ASB18: variants seen among roughly 807,000 people sequenced by gnomAD.
ASB18 encodes ankyrin repeat and SOCS box containing 18, also known as ankyrin repeat and SOCS box protein 18.
A neutral mutation model predicts 33.4 loss-of-function variants in ASB18; 33 were observed. The ratio of observed to expected loss-of-function variants is 0.99; its 90% CI spans 0.75 to 1.32. The LOEUF is 1.32. Among genes scored for constraint, ASB18 ranks in the 40% most tolerant of loss-of-function variants. The pLI is 0.00. For synonymous variants in ASB18, 295 were observed against 307.6 expected (o/e 0.96, Z 0.43); for missense variants, 694 against 655.5 (o/e 1.06, Z -0.64).
chr2:236,247,822 A>C (rs2060651616), intron 1 of ASB18: 1 of 152,230 alleles, frequency 6.6e-6, no homozygotes, highest in African/African-American at 2.4e-5. Flanking sequence ...CCAGAAGACT[A>C]GAGGTTTAGT....
Position 236,250,735 on chromosome 2 carries a change from C to T in ASB18, c.206-9333G>A, listed in dbSNP as rs1050670057. 5 of 152,140 alleles carry T rather than the reference C, an allele frequency of 3.3e-5. No homozygotes were observed. Among genetic ancestry groups the T allele is most frequent in the Non-Finnish European group, 5.9e-5 (4 of 68,030 alleles). 9.4% of individuals were successfully genotyped at this position (152,140 alleles called of 1,614,324 possible). ...AAGCCACCTTTCCTTCACCCCACTT[C>T]CTGCAGAATTAAAAAAATATATTTT... On this transcript the variant is annotated intron_variant, in intron 1 of 5. Transcript: ENST00000409749. This position sits in a 1 kb window ranked among gnomAD's most constrained non-coding sequence, Gnocchi z 4.1.
rs575055635 is a variant in ASB18 at position 236,239,537 on chromosome 2, G to A, written c.329-1581C>T. Among the ~76,000 whole-genome samples the A allele has an allele frequency of 1.3e-5, 2 of 150,370 alleles. No individual in the cohort carries two copies. The highest frequency in any genetic ancestry group is 1.3e-4 in the Admixed American group (2 of 15,096). On this transcript the variant is annotated intron_variant, in intron 2 of 5. Transcript: ENST00000409749. This position sits in a 1 kb window ranked among gnomAD's most constrained non-coding sequence, Gnocchi z 5.6. The stretch of plus-strand genomic sequence containing the variant: ...CCGGAATCAGCTTTCTGTAACTCCC[G>A]CCCTCTGGTCCCAGTTCTGCCACCA...
In ASB18 at chr2:236,211,395, C is replaced by T. The variant is rs182987293; in HGVS notation, c.1101+2967G>A. ...CTCACTGCAGAGCACTGCGCCGGCT[C>T]GGAAGGATGCCCTGTGTCCGCCTGC... On this transcript the variant is annotated intron_variant, in intron 4 of 5. Coordinates refer to ENST00000409749, the MANE Select transcript of ASB18 (RefSeq NM_212556.4). This position sits in a 1 kb window ranked among gnomAD's most constrained non-coding sequence, Gnocchi z 5.0. Among the ~76,000 whole-genome samples the T allele has an allele frequency of 1.4e-4, 21 of 152,374 alleles. 1 individual carries two copies. In the East Asian group the frequency reaches 2.3e-3, roughly 17 times the overall value.
chr2:236,204,977 CA>C lies in ASB18; in HGVS notation c.1102-8593del, dbSNP rs1177099461. On this transcript the variant is annotated intron_variant, in intron 4 of 5. Coordinates refer to ENST00000409749, the MANE Select transcript of ASB18 (RefSeq NM_212556.4). The surrounding 1 kb of genome is among the most constrained non-coding windows in gnomAD (Gnocchi z 5.1). ...TAAAAAATCCTGTTGGCTCTACCTC[CA>C]AAATATATCCAGGGTCAGATCGCCT... 5.9e-5 allele frequency among the ~76,000 whole-genome samples: 9 copies of C among 152,204 alleles called. No individual in the cohort carries two copies. The highest frequency in any genetic ancestry group is 2.6e-4 in the Admixed American group (4 of 15,282).
rs186319780 is a variant in ASB18, at chr2:236,249,954, C to T, written c.206-8552G>A. 2 of 152,290 alleles carry T rather than the reference C, an allele frequency of 1.3e-5. No individual in the cohort carries two copies. The highest frequency in any genetic ancestry group is 1.9e-4 in the East Asian group (1 of 5,184). The allele number at this position is 152,290 out of a possible 1,614,324, so 9.4% of individuals were successfully genotyped here. A position where few individuals can be genotyped will look rare whatever the true frequency, so the allele number is the denominator to read the frequency against. The stretch of plus-strand genomic sequence containing the variant: ...ATGTTTTGTCTGCAGGAGACACAAA[C>T]ATGAGTTCTTTATAATTGAGTCCTA... On this transcript the variant is annotated intron_variant, in intron 1 of 5. Coordinates refer to ENST00000409749, the MANE Select transcript of ASB18 (RefSeq NM_212556.4). The surrounding 1 kb of genome is among the most constrained non-coding windows in gnomAD (Gnocchi z 4.6).
At chr2:236,242,278 T>C (rs1576408685) in intron 1 of ASB18, among the ~76,000 whole-genome samples, 1 of 152,158 alleles carries the variant, frequency 6.6e-6, no homozygotes, top group Non-Finnish European at 1.5e-5. Flanking sequence ...TACTCAGAAC[T>C]GGGCCAGCAC....
Position 236,264,339 on chromosome 2 carries a change from T to G in ASB18, c.7A>C (p.Asn3His). The G allele has an allele frequency of 1.9e-6, 3 of 1,614,012 alleles. No homozygotes were observed. Among genetic ancestry groups the G allele is most frequent in the Non-Finnish European group, 2.5e-6 (3 of 1,179,864 alleles). Residue 3 changes from asparagine (N) to histidine (H), a missense_variant, in exon 1 of 6, where the codon AAC becomes CAC. By Grantham distance (68) the Asn-to-His change is moderately conservative. Transcript: ENST00000409749. This position sits in a 1 kb window ranked among gnomAD's most constrained non-coding sequence, Gnocchi z 5.1. MS[N>H]SDYLPDYPLN... Reference sequence around the variant, plus strand: ...GGGTAGTCGGGAAGGTAATCCGAGTTGGACATTGTTACGTCGTTTCTGCAG... The same window carrying G: ...GGGTAGTCGGGAAGGTAATCCGAGTGGGACATTGTTACGTCGTTTCTGCAG...
rs2060421277 is a variant in ASB18, at chr2:236,204,104, C to T, written c.1102-7719G>A. 6.6e-6 allele frequency among the ~76,000 whole-genome samples: 1 copy of T among 152,022 alleles called. No homozygotes were observed. Among genetic ancestry groups the T allele is most frequent in the Non-Finnish European group, 1.5e-5 (1 of 68,014 alleles). On this transcript the variant is annotated intron_variant, in intron 4 of 5. Coordinates refer to ENST00000409749, the MANE Select transcript of ASB18 (RefSeq NM_212556.4). The surrounding 1 kb of genome is among the most constrained non-coding windows in gnomAD (Gnocchi z 5.1). ...GGGAGAATCTGGGGATGGATTTCCC[C>T]CTTCCTGAGCTCTTCGTTAGTGTTA...
intron 1 of ASB18, among the ~76,000 whole-genome samples, chr2:236,242,718 G>A (rs1244107942): frequency 1.3e-5 from 2 of 151,126 alleles, no homozygotes; most frequent in Admixed American, 6.6e-5. Flanking sequence ...CGCCCACCTC[G>A]GTCTCCCAAA....
At position 236,249,397 on chromosome 2, in the gene ASB18, G is replaced by A. The variant is rs1206444970; in HGVS notation, c.206-7995C>T. The A allele has an allele frequency of 3.3e-5, 5 of 152,052 alleles. No individual in the cohort carries two copies. Among genetic ancestry groups the A allele is most frequent in the Non-Finnish European group, 7.4e-5 (5 of 68,018 alleles). The allele number at this position is 152,052 out of a possible 1,614,324, so 9.4% of individuals were successfully genotyped here. A position where few individuals can be genotyped will look rare whatever the true frequency, so the allele number is the denominator to read the frequency against. Reference sequence around the variant, plus strand: ...GGCAATCACACTGAGGATGTGAAGGGGTCTGTCACAGTTTGCACAGCCTTA... The same window carrying A: ...GGCAATCACACTGAGGATGTGAAGGAGTCTGTCACAGTTTGCACAGCCTTA... On this transcript the variant is annotated intron_variant, in intron 1 of 5. Transcript: ENST00000409749. The surrounding 1 kb of genome is among the most constrained non-coding windows in gnomAD (Gnocchi z 4.6).
rs1478588156 is a variant in ASB18, at chr2:236,204,903, CAG to C, written c.1102-8520_1102-8519del. On this transcript the variant is annotated intron_variant, in intron 4 of 5. Coordinates refer to ENST00000409749, the MANE Select transcript of ASB18 (RefSeq NM_212556.4). This position sits in a 1 kb window ranked among gnomAD's most constrained non-coding sequence, Gnocchi z 5.1. ...TTCTTGCAGTCTCTTGGGCTAGAAT[CAG>C]AGTCGTCCATTGCTCCTGTTTCTCC... Among the ~76,000 whole-genome samples the C allele has an allele frequency of 2.0e-5, 3 of 152,322 alleles. No individual in the cohort carries two copies. In the East Asian group the frequency reaches 5.8e-4, roughly 29 times the overall value.
At position 236,209,766 on chromosome 2, in the gene ASB18, A is replaced by C. The variant is rs2106266761; in HGVS notation, c.1101+4596T>G. Among the ~76,000 whole-genome samples, 1 of 152,332 alleles carries C rather than the reference A, an allele frequency of 6.6e-6. No homozygotes were observed. The highest frequency in any genetic ancestry group is 2.4e-5 in the African/African-American group (1 of 41,590). ...ATGTAATCAACTCCCAATATTCCAA[A>C]GTCAGAGGCCCAGGCCCTTAAGGCC... is the stretch of plus-strand genomic sequence containing the variant. On this transcript the variant is annotated intron_variant, in intron 4 of 5. Transcript: ENST00000409749. The surrounding 1 kb of genome is among the most constrained non-coding windows in gnomAD (Gnocchi z 4.4).
At position 236,200,604 on chromosome 2, in the gene ASB18, T is replaced by C. The variant is rs927068337; in HGVS notation, c.1102-4219A>G. ...AGCCCAGAGAATGCATGTTCTGCCC[T>C]CACTCTCCTTTCCTCCCTCCTGCTG... On this transcript the variant is annotated intron_variant, in intron 4 of 5. Coordinates refer to ENST00000409749, the MANE Select transcript of ASB18 (RefSeq NM_212556.4). This position sits in a 1 kb window ranked among gnomAD's most constrained non-coding sequence, Gnocchi z 4.2. Among the ~76,000 whole-genome samples the C allele has an allele frequency of 3.3e-5, 5 of 152,150 alleles. No individual in the cohort carries two copies. Among genetic ancestry groups the C allele is most frequent in the Non-Finnish European group, 7.4e-5 (5 of 68,022 alleles).
At chr2:236,247,036 A>C (rs2060648428) in intron 1 of ASB18, among the ~76,000 whole-genome samples, 1 of 152,120 alleles carries the variant, frequency 6.6e-6, no homozygotes, top group Non-Finnish European at 1.5e-5. Flanking sequence ...CAGACACTAA[A>C]TTTAGCTTTC....
At chr2:236,243,731 T>C (rs937184106) in intron 1 of ASB18, among the ~76,000 whole-genome samples, 5 of 152,172 alleles carry the variant, frequency 3.3e-5, no homozygotes, top group African/African-American at 9.7e-5. Context: ...TAGTAACTTA[T>C]GAGTTATTTA....
rs2060601206 is a variant in ASB18 at position 236,237,698 on chromosome 2, G to T, written c.587C>A (p.Ala196Asp). ...LAPLHLCRTA[A>D]SLGCAQALLE... ...GTCCCGAGGTCCTTACCCGAGCGAG[G>T]CGGCCGTGCGGCAGAGGTGCAGAGG... Residue 196 changes from alanine to aspartate, a missense_variant, in exon 3 of 6, where the codon GCC (alanine) becomes GAC (aspartate). Ala to Asp is a moderately radical substitution (Grantham distance 126). Coordinates refer to ENST00000409749, the MANE Select transcript of ASB18 (RefSeq NM_212556.4). The surrounding 1 kb of genome is among the most constrained non-coding windows in gnomAD (Gnocchi z 6.2). 1.4e-6 allele frequency: 2 copies of T among 1,452,676 alleles called. No individual in the cohort carries two copies. The highest frequency in any genetic ancestry group is 5.0e-5 in the Admixed American group (2 of 39,916). The allele number at this position is 1,452,676 out of a possible 1,614,324, so 90.0% of individuals were successfully genotyped here. A position where few individuals can be genotyped will look rare whatever the true frequency, so the allele number is the denominator to read the frequency against.
chr2:236,240,342 C>A (rs779653527), intron 2 of ASB18, among the ~76,000 whole-genome samples: 1 of 152,184 alleles, frequency 6.6e-6, no homozygotes, highest in African/African-American at 2.4e-5. Flanking sequence ...ATTCTCTTCT[C>A]CCCGTGTGAG....
chr2:236,242,355 C>T (rs991755915), intron 1 of ASB18, among the ~76,000 whole-genome samples: 3 of 152,146 alleles, frequency 2.0e-5, no homozygotes, highest in Admixed American at 6.5e-5. Flanking sequence ...CAAGCGAAGG[C>T]GGTGCCAGGT....
Position 236,211,102 on chromosome 2 carries a change from C to T in ASB18, c.1101+3260G>A, listed in dbSNP as rs930194249. Among the ~76,000 whole-genome samples the T allele has an allele frequency of 2.6e-5, 4 of 152,166 alleles. No homozygotes were observed. Among genetic ancestry groups the T allele is most frequent in the African/African-American group, 4.8e-5 (2 of 41,428 alleles). ...CCTTTTATCCAGACCAAGCATCCAGCCCAAAAAGTCACCTGTGGCAGATGC... is the reference window on the plus strand; with the variant it reads ...CCTTTTATCCAGACCAAGCATCCAGTCCAAAAAGTCACCTGTGGCAGATGC... On this transcript the variant is annotated intron_variant, in intron 4 of 5. Coordinates refer to ENST00000409749, the MANE Select transcript of ASB18 (RefSeq NM_212556.4). The surrounding 1 kb of genome is among the most constrained non-coding windows in gnomAD (Gnocchi z 5.0).
Sources: gnomAD v4.1 joint callset for allele counts (sites outside exome capture counted in the v4.1 genomes callset) on GRCh38, gnomAD v4.1.1 for gene constraint, Gnocchi (gnomAD v3.1) non-coding constraint, MANE v1.5 for transcripts, NCBI Gene and HGNC (gene_info 2026-07-23, HGNC 2026-07-21) for gene names.